Variants in NAALADL2 observed in about 807,000 individuals in gnomAD.
NAALADL2 encodes N-acetylated alpha-linked acidic dipeptidase like 2.
Under a neutral mutation model 87.2 loss-of-function variants are expected in NAALADL2, and 76 were observed. The ratio of observed to expected loss-of-function variants is 0.87; its 90% CI spans 0.72 to 1.05. The LOEUF (loss-of-function observed/expected upper bound fraction) is 1.05, where lower values mean the gene tolerates loss of function less well. NAALADL2 is among the 50% of genes least tolerant of loss of function. NAALADL2 has a pLI of 0.00. For synonymous variants in NAALADL2, 354 were observed against 331.0 expected (o/e 1.07, Z -0.75); for missense variants, 1,089 against 945.8 (o/e 1.15, Z -1.99).
chr3:174,727,134 A>G (rs1732271095), intron 2 of NAALADL2, among the ~76,000 whole-genome samples: 1 of 152,070 alleles, frequency 6.6e-6, no homozygotes, highest in Admixed American at 6.6e-5. Flanking sequence ...GGAGTTGTAT[A>G]TAATTTTTAT....
chr3:175,463,493 G>T lies in NAALADL2; in HGVS notation c.1327G>T (p.Asp443Tyr), dbSNP rs530440700. The T allele has an allele frequency of 2.6e-6, 4 of 1,543,150 alleles. No individual in the cohort carries two copies. The highest frequency in any genetic ancestry group is 1.8e-5 in the Admixed American group (1 of 56,342). The change falls in exon 7 of 14, where the codon GAC (aspartate) becomes TAC (tyrosine). Residue 443 changes from aspartate to tyrosine, a missense_variant and splice_region_variant. Asp to Tyr is a radical substitution (Grantham distance 160). Coordinates refer to ENST00000454872, the MANE Select transcript of NAALADL2 (RefSeq NM_207015.3). ...VGFVMGLTSP[D>Y]RYIIVGSHHH... ...ATTTGTAATGGGCTTGACATCTCCA[G>T]GTAAGTAGGGTTGAAAATTTATAAT...
At chr3:175,324,964 A>G (rs1228763495) in intron 5 of NAALADL2, among the ~76,000 whole-genome samples, 5 of 152,146 alleles carry the variant, frequency 3.3e-5, no homozygotes, top group Non-Finnish European at 5.9e-5. Flanking sequence ...GCAGATGCTC[A>G]CCGCATCATT....
intron 1 of NAALADL2, among the ~76,000 whole-genome samples, chr3:174,923,210 T>C (rs923682769): frequency 3.3e-5 from 5 of 152,164 alleles, no homozygotes; most frequent in African/African-American, 1.2e-4. Context: ...AGCCAATTTT[T>C]CATCTTAAGC....
At chr3:174,533,060 C>A (rs1428304744) in intron 1 of NAALADL2, among the ~76,000 whole-genome samples, 3 of 146,758 alleles carry the variant, frequency 2.0e-5, no homozygotes, top group African/African-American at 7.7e-5. Flanking sequence ...ATTACAGACA[C>A]CCCTTACCCT....
intron 2 of NAALADL2, among the ~76,000 whole-genome samples, chr3:174,670,846 C>A (rs1046238316): frequency 1.3e-5 from 2 of 152,172 alleles, no homozygotes; most frequent in South Asian, 4.2e-4. Flanking sequence ...ATGTAATTCT[C>A]AGTGCTGGAG....
chr3:175,208,287 A>C (rs572152473), intron 2 of NAALADL2, among the ~76,000 whole-genome samples: 1 of 152,254 alleles, frequency 6.6e-6, no homozygotes, highest in East Asian at 1.9e-4. Context: ...ATTCTTTAAA[A>C]GTCTATTCGG....
At chr3:175,770,135 C>G (rs1366025447) in intron 13 of NAALADL2, among the ~76,000 whole-genome samples, 1 of 152,124 alleles carries the variant, frequency 6.6e-6, no homozygotes, top group Non-Finnish European at 1.5e-5. Context: ...AACAACTGGG[C>G]AGTATTGCCT....
At chr3:174,465,141 T>C (rs1260579741) in intron 1 of NAALADL2, among the ~76,000 whole-genome samples, 1 of 152,168 alleles carries the variant, frequency 6.6e-6, no homozygotes, top group African/African-American at 2.4e-5. Flanking sequence ...AACTTTTTTT[T>C]GAATGATCCT....
At chr3:175,527,281 G>C (rs1409211116) in intron 9 of NAALADL2, among the ~76,000 whole-genome samples, 1 of 152,152 alleles carries the variant, frequency 6.6e-6, no homozygotes, top group Non-Finnish European at 1.5e-5. Flanking sequence ...CATAGCTGAT[G>C]AGGCCCTTCA....
rs555579566 is a variant in NAALADL2 at position 174,809,246 on chromosome 3, A to G, written c.-9+71500A>G. ...TACTGGGGATATATACGCAGGCTCCATATGCTTTGGAGGTATACTGGATCT... is the reference window on the plus strand; with the variant it reads ...TACTGGGGATATATACGCAGGCTCCGTATGCTTTGGAGGTATACTGGATCT... On this transcript the variant is annotated intron_variant, in intron 3 of 3. Transcript: ENST00000434257. Among the ~76,000 whole-genome samples the G allele has an allele frequency of 1.7e-4, 26 of 152,254 alleles. No individual in the cohort carries two copies. In the South Asian group the frequency reaches 5.4e-3, roughly 32 times the overall value.
chr3:175,642,171 T>C (rs1281634909), intron 11 of NAALADL2, among the ~76,000 whole-genome samples: 1 of 152,206 alleles, frequency 6.6e-6, no homozygotes, highest in African/African-American at 2.4e-5. Flanking sequence ...CATTTTTGAA[T>C]GTTTTCATCT....
intron 3 of NAALADL2, among the ~76,000 whole-genome samples, chr3:174,815,753 A>G (rs1242826717): frequency 1.3e-5 from 2 of 150,712 alleles, no homozygotes; most frequent in South Asian, 2.1e-4. Flanking sequence ...ATGTGATGGT[A>G]TTATTTTATT....
At chr3:174,444,979 T>C (rs566200490) in intron 1 of NAALADL2, among the ~76,000 whole-genome samples, 1 of 151,988 alleles carries the variant, frequency 6.6e-6, no homozygotes, top group Non-Finnish European at 1.5e-5. Flanking sequence ...ATGGAGAGAA[T>C]TGATAGAGTT....
chr3:174,917,449 G>C (rs1480005292), intron 1 of NAALADL2, among the ~76,000 whole-genome samples: 1 of 152,082 alleles, frequency 6.6e-6, no homozygotes, highest in Non-Finnish European at 1.5e-5. Flanking sequence ...TGTAACTTTA[G>C]CTTTTATTTT....
chr3:175,688,727 C>G (rs1161895853), intron 11 of NAALADL2, among the ~76,000 whole-genome samples: 1 of 152,068 alleles, frequency 6.6e-6, no homozygotes, highest in East Asian at 1.9e-4. Context: ...GTACAGGGCA[C>G]TGAGCCAGAC....
At chr3:175,016,496 G>C (rs1750838946) in intron 1 of NAALADL2, among the ~76,000 whole-genome samples, 1 of 151,164 alleles carries the variant, frequency 6.6e-6, no homozygotes, top group Non-Finnish European at 1.5e-5. Flanking sequence ...TGCTAAAGGG[G>C]TTATCACTGA....
At chr3:174,804,498 G>C (rs150249654) in intron 3 of NAALADL2, among the ~76,000 whole-genome samples, 1 of 151,996 alleles carries the variant, frequency 6.6e-6, no homozygotes, top group Non-Finnish European at 1.5e-5. Flanking sequence ...AACTTCCAAC[G>C]CTATGTTGAA....
intron 11 of NAALADL2, among the ~76,000 whole-genome samples, chr3:175,729,325 A>G (rs1025030333): frequency 2.0e-4 from 30 of 152,136 alleles, no homozygotes; most frequent in Non-Finnish European, 2.4e-4. Flanking sequence ...TTCATGATTC[A>G]TCTACTATTT....
intron 2 of NAALADL2, among the ~76,000 whole-genome samples, chr3:175,101,908 T>C (rs2108420145): frequency 6.6e-6 from 1 of 151,298 alleles, no homozygotes; most frequent in East Asian, 1.9e-4. Flanking sequence ...AAGTGCAATA[T>C]GTACAGAAAA....
Sources: allele counts gnomAD v4.1 joint callset (sites outside exome capture counted in the v4.1 genomes callset), GRCh38; gene constraint gnomAD v4.1.1; transcripts MANE v1.5; gene names NCBI Gene and HGNC (gene_info 2026-07-23, HGNC 2026-07-21).